The following CMSS1 variants were observed in gnomAD, a reference collection of about 807,000 sequenced individuals.
CMSS1 encodes the protein cms1 ribosomal small subunit homolog.
In CMSS1, 33 loss-of-function variants were observed where a neutral mutation model predicts 43.5. The observed-to-expected ratio is 0.76, with a 90% CI of 0.57 to 1.01. The LOEUF (loss-of-function observed/expected upper bound fraction) is 1.01. Among genes scored for constraint, CMSS1 ranks in the 50% least tolerant of loss-of-function variants. The pLI is 0.00. For synonymous variants in CMSS1, 115 were observed against 117.2 expected (o/e 0.98, Z 0.12); for missense variants, 313 against 326.4 (o/e 0.96, Z 0.32).
intron 1 of CMSS1, among the ~76,000 whole-genome samples, chr3:100,099,589 C>T (rs1007854688): frequency 6.6e-6 from 1 of 152,124 alleles, no homozygotes; most frequent in African/African-American, 2.4e-5. Context: ...CCTGTTTACA[C>T]AGGGGAATTA....
chr3:100,086,959 A>G (rs1336292476), intron 1 of CMSS1, among the ~76,000 whole-genome samples: 1 of 152,130 alleles, frequency 6.6e-6, no homozygotes, highest in African/African-American at 2.4e-5. Context: ...GAATCACAGT[A>G]TTTTGAATCT....
chr3:100,117,696 A>G (rs2066582155), intron 1 of CMSS1, among the ~76,000 whole-genome samples: 1 of 151,376 alleles, frequency 6.6e-6, no homozygotes, highest in African/African-American at 2.4e-5. Context: ...TAATGTGTAT[A>G]TTGATTACAG....
chr3:100,127,253 A>G (rs953150937), intron 1 of CMSS1, among the ~76,000 whole-genome samples: 1 of 152,208 alleles, frequency 6.6e-6, no homozygotes, highest in Non-Finnish European at 1.5e-5. Context: ...AACTGAGGCA[A>G]TTCTCCATTG....
At chr3:100,038,444 A>G (rs777520690) in intron 1 of CMSS1, among the ~76,000 whole-genome samples, 1 of 152,198 alleles carries the variant, frequency 6.6e-6, no homozygotes, top group Non-Finnish European at 1.5e-5. Context: ...TTTTGCTTAT[A>G]GAGAATTCGA....
intron 1 of CMSS1, among the ~76,000 whole-genome samples, chr3:99,976,339 G>C (rs1256375408): frequency 6.6e-6 from 1 of 152,122 alleles, no homozygotes; most frequent in African/African-American, 2.4e-5. Flanking sequence ...CATACATAAA[G>C]AATAAAATTG....
At chr3:99,939,740 T>G (rs1707799104) in intron 1 of CMSS1, among the ~76,000 whole-genome samples, 1 of 152,194 alleles carries the variant, frequency 6.6e-6, no homozygotes, top group Non-Finnish European at 1.5e-5. Flanking sequence ...TAATGATACC[T>G]TTCACATGCA....
chr3:100,135,925 T>C (rs1463274658), intron 1 of CMSS1, among the ~76,000 whole-genome samples: 1 of 152,124 alleles, frequency 6.6e-6, no homozygotes, highest in Non-Finnish European at 1.5e-5. Flanking sequence ...GCTTTAAAGT[T>C]TTCTGTGGGA....
chr3:100,091,284 CAAAAAAAA>C (rs570908389), intron 1 of CMSS1, among the ~76,000 whole-genome samples: 2 of 59,108 alleles, frequency 3.4e-5, no homozygotes, highest in African/African-American at 1.2e-4. Flanking sequence ...GACTCCGTCT[CAAAAAAAA>C]AAAAAAAAAA....
chr3:99,938,078 C>T (rs368943914), intron 1 of CMSS1, among the ~76,000 whole-genome samples: 1,664 of 138,376 alleles, frequency 0.012, 19 homozygotes, highest in African/African-American at 0.022. Flanking sequence ...TGTGTGTGCG[C>T]GCGCGCGCGC....
chr3:99,818,069 A>G (rs761047388), intron 1 of CMSS1, 26 bp downstream of exon 1: 2 of 1,608,074 alleles, frequency 1.2e-6, no homozygotes, highest in Non-Finnish European at 1.7e-6. Flanking sequence ...CCGCGCTCCT[A>G]CGGGGCCTCT....
At chr3:99,979,156 A>G (rs1038449419) in intron 1 of CMSS1, among the ~76,000 whole-genome samples, 5 of 152,244 alleles carry the variant, frequency 3.3e-5, no homozygotes, top group Non-Finnish European at 7.3e-5. Context: ...TTTGATCATT[A>G]CACACTGTAT....
At chr3:100,172,087 A>C (rs751087219) in intron 7 of CMSS1, 188 bp downstream of exon 7, 1 of 633,956 alleles carries the variant, frequency 1.6e-6, no homozygotes, top group Admixed American at 2.9e-5. Context: ...GGCAGTCGCT[A>C]CTGCCATGCT....
At chr3:99,960,921 TAA>T (rs1191032674) in intron 1 of CMSS1, among the ~76,000 whole-genome samples, 2 of 152,220 alleles carry the variant, frequency 1.3e-5, no homozygotes. Flanking sequence ...AAGTGAAATG[TAA>T]AAAGAGTCTA....
At chr3:100,156,308 T>TC (rs1346476366) in intron 2 of CMSS1, among the ~76,000 whole-genome samples, 4 of 133,866 alleles carry the variant, frequency 3.0e-5, no homozygotes, top group African/African-American at 8.5e-5. Flanking sequence ...TCTTTTTTTT[T>TC]TTTTTTTTTT....
intron 1 of CMSS1, among the ~76,000 whole-genome samples, chr3:100,056,906 A>C (rs1575999777): frequency 6.6e-6 from 1 of 152,240 alleles, no homozygotes; most frequent in African/African-American, 2.4e-5. Flanking sequence ...CGGGAGGCTG[A>C]GGCAGGAGAA....
At chr3:100,050,562 C>T (rs765109194) in intron 1 of CMSS1, among the ~76,000 whole-genome samples, 5 of 152,104 alleles carry the variant, frequency 3.3e-5, no homozygotes, top group African/African-American at 1.2e-4. Context: ...GACAGAGTCT[C>T]GCTCTATTGC....
At chr3:100,029,297 G>T (rs1461856766) in intron 1 of CMSS1, among the ~76,000 whole-genome samples, 1 of 151,634 alleles carries the variant, frequency 6.6e-6, no homozygotes, top group African/African-American at 2.4e-5. Context: ...TTACTTATTT[G>T]TACAGAAAAG....
chr3:100,148,765 T>C (rs1203289890), intron 2 of CMSS1, among the ~76,000 whole-genome samples: 1 of 152,112 alleles, frequency 6.6e-6, no homozygotes, highest in African/African-American at 2.4e-5. Flanking sequence ...TATTATAATC[T>C]TTTTTATTTT....
intron 1 of CMSS1, among the ~76,000 whole-genome samples, chr3:99,857,881 CTT>C (rs1944048421): frequency 6.6e-6 from 1 of 152,148 alleles, no homozygotes; most frequent in South Asian, 2.1e-4. Context: ...TATGGCAAGA[CTT>C]TTATTCATTT....
Sources: gnomAD v4.1 joint callset for allele counts (sites outside exome capture counted in the v4.1 genomes callset) on GRCh38, gnomAD v4.1.1 for gene constraint, MANE v1.5 for transcripts, NCBI Gene and HGNC (gene_info 2026-07-23, HGNC 2026-07-21) for gene names.